The following ARHGAP15 variants were observed in gnomAD, a reference collection of about 807,000 sequenced individuals.
The protein encoded by ARHGAP15 is Rho GTPase activating protein 15.
In ARHGAP15, 51 loss-of-function variants were observed where a neutral mutation model predicts 63.7. The observed-to-expected ratio is 0.80, with a 90% CI of 0.64 to 1.01. ARHGAP15 has a LOEUF of 1.01. Ranked by LOEUF, ARHGAP15 falls within the 50% of genes least tolerant of loss-of-function variation. The probability of loss-of-function intolerance (pLI) is 0.00; values close to 1 mark genes in which losing one functional copy is unlikely to be tolerated. For missense variants in ARHGAP15, 560 were observed against 564.6 expected, an observed-to-expected ratio of 0.99 and a Z score of 0.08; for synonymous variants, 191 against 193.8, an observed-to-expected ratio of 0.99 and a Z score of 0.12.
chr2:143,662,986 A>G (rs1340858015), intron 12 of ARHGAP15, among the ~76,000 whole-genome samples: 6 of 140,428 alleles, frequency 4.3e-5, no homozygotes, highest in African/African-American at 1.6e-4. Flanking sequence ...GTTGGAAAAC[A>G]CTCTGCAGGA....
rs1208948778 is a variant in ARHGAP15 at position 143,173,618 on chromosome 2, T to TA, written c.165+17971dup. The stretch of plus-strand genomic sequence containing the variant: ...GATAATAAAGATAATCCACAAAACT[T>TA]AAAAAAAACCTCTAATTTTATCTGG... On this transcript the variant is annotated intron_variant, in intron 2 of 13. Coordinates refer to ENST00000295095, the MANE Select transcript of ARHGAP15 (RefSeq NM_018460.4). 1.0e-3 allele frequency among the ~76,000 whole-genome samples: 153 copies of TA among 151,796 alleles called. 2 individuals are homozygous for TA. The Middle Eastern group carries it at 0.024, about 24-fold the overall frequency.
intron 6 of ARHGAP15, among the ~76,000 whole-genome samples, chr2:143,293,109 CTTTTGT>C (rs1363028697): frequency 2.0e-5 from 3 of 152,002 alleles, no homozygotes; most frequent in Non-Finnish European, 4.4e-5. Flanking sequence ...TGTCTAAAGT[CTTTTGT>C]TACAGTCCCT....
At chr2:143,449,363 C>T (rs762015805) in intron 8 of ARHGAP15, among the ~76,000 whole-genome samples, 1 of 152,108 alleles carries the variant, frequency 6.6e-6, no homozygotes, top group South Asian at 2.1e-4. Flanking sequence ...TATCCCTTAT[C>T]TTCCATTTGA....
chr2:143,627,155 G>A (rs565787593), intron 12 of ARHGAP15, among the ~76,000 whole-genome samples: 2 of 152,288 alleles, frequency 1.3e-5, no homozygotes, highest in East Asian at 3.9e-4. Flanking sequence ...AATTTCTGTT[G>A]TTTATGAATT....
Position 143,203,481 on chromosome 2 carries a change from C to A in ARHGAP15, c.234+1279C>A, listed in dbSNP as rs146809069. ...TCAGTAGGTCTATCTGAGCATTTAA[C>A]CCAATTGATAGCTCTCTTCTTGAAT... On this transcript the variant is annotated intron_variant, in intron 3 of 13. Transcript: ENST00000295095. Among the ~76,000 whole-genome samples the A allele has an allele frequency of 7.2e-4, 109 of 152,192 alleles. 1 individual carries two copies. The East Asian group carries it at 0.019, about 26-fold the overall frequency.
chr2:143,320,134 A>G (rs908131445), intron 6 of ARHGAP15, among the ~76,000 whole-genome samples: 21 of 152,198 alleles, frequency 1.4e-4, no homozygotes, highest in Admixed American at 2.6e-4. Flanking sequence ...GATGGACTCA[A>G]TGAAAGATAA....
At chr2:143,317,633 G>T (rs533945228) in intron 6 of ARHGAP15, among the ~76,000 whole-genome samples, 2 of 152,312 alleles carry the variant, frequency 1.3e-5, no homozygotes, top group African/African-American at 4.8e-5. Context: ...GACATCTAGT[G>T]ACTAGCTTTT....
Position 143,400,304 on chromosome 2 carries a change from AC to A in ARHGAP15, c.475-35296del, listed in dbSNP as rs1030656952. The stretch of plus-strand genomic sequence containing the variant: ...CAATTTGTTGAAAGTGAATGATTGA[AC>A]TTTTAGGTGGTGGCTCTACAGGAGG... On this transcript the variant is annotated intron_variant, in intron 6 of 13. Coordinates refer to ENST00000295095, the MANE Select transcript of ARHGAP15 (RefSeq NM_018460.4). Among the ~76,000 whole-genome samples the A allele has an allele frequency of 5.6e-4, 85 of 152,162 alleles. 1 individual carries two copies. Among genetic ancestry groups the A allele is most frequent in the African/African-American group, 2.0e-3 (82 of 41,554 alleles).
chr2:143,375,876 GT>G lies in ARHGAP15; in HGVS notation c.475-59724del, dbSNP rs1686787868. On this transcript the variant is annotated intron_variant, in intron 6 of 13. Coordinates refer to ENST00000295095, the MANE Select transcript of ARHGAP15 (RefSeq NM_018460.4). ...CATTAAATAGATTTTACTTTTTTCG[GT>G]GATGGTTGTTTGAAAATAGGAGTGT... Among the ~76,000 whole-genome samples, 4 of 152,274 alleles carry G rather than the reference GT, an allele frequency of 2.6e-5. No individual in the cohort carries two copies. In the South Asian group the frequency reaches 8.3e-4, roughly 32 times the overall value.
intron 12 of ARHGAP15, among the ~76,000 whole-genome samples, chr2:143,631,848 G>C (rs1247062692): frequency 6.8e-6 from 1 of 146,446 alleles, no homozygotes; most frequent in Non-Finnish European, 1.5e-5. Context: ...GGATCTTGCT[G>C]TGCCTTCACG....
At chr2:143,616,291 T>TC (rs1451741709) in intron 11 of ARHGAP15, among the ~76,000 whole-genome samples, 2 of 152,206 alleles carry the variant, frequency 1.3e-5, no homozygotes. Context: ...TTCGCAAGTT[T>TC]CAGTTGCACC....
At chr2:143,486,863 G>A (rs1009684314) in intron 8 of ARHGAP15, among the ~76,000 whole-genome samples, 4 of 152,146 alleles carry the variant, frequency 2.6e-5, no homozygotes, top group African/African-American at 4.8e-5. Flanking sequence ...ACATCAATAA[G>A]GAGAGTAAGA....
intron 6 of ARHGAP15, among the ~76,000 whole-genome samples, chr2:143,266,975 T>C (rs1363273506): frequency 1.3e-5 from 2 of 152,176 alleles, no homozygotes; most frequent in Non-Finnish European, 1.5e-5. Flanking sequence ...GAATAGTCTC[T>C]TTCTGGAAGG....
At chr2:143,175,106 A>G (rs1183366625) in intron 2 of ARHGAP15, among the ~76,000 whole-genome samples, 2 of 152,132 alleles carry the variant, frequency 1.3e-5, no homozygotes, top group Non-Finnish European at 2.9e-5. Context: ...GCATACATAG[A>G]AAGAAAACCA....
intron 11 of ARHGAP15, among the ~76,000 whole-genome samples, chr2:143,564,829 T>C (rs567864790): frequency 7.2e-5 from 11 of 152,308 alleles, no homozygotes; most frequent in African/African-American, 2.4e-4. Flanking sequence ...ATAACAATCC[T>C]TTTCCAATGT....
intron 8 of ARHGAP15, among the ~76,000 whole-genome samples, chr2:143,450,430 T>C (rs1332278252): frequency 1.3e-5 from 2 of 151,902 alleles, no homozygotes; most frequent in African/African-American, 4.8e-5. Flanking sequence ...TACAAGAAGC[T>C]CTTAACTATT....
intron 13 of ARHGAP15, among the ~76,000 whole-genome samples, chr2:143,728,803 A>C (rs1191425212): frequency 6.6e-6 from 1 of 152,182 alleles, no homozygotes; most frequent in African/African-American, 2.4e-5. Flanking sequence ...GCCGCCCTCC[A>C]TTAGGAGCAG....
chr2:143,303,673 A>C (rs190295569), intron 6 of ARHGAP15, among the ~76,000 whole-genome samples: 24 of 152,154 alleles, frequency 1.6e-4, no homozygotes, highest in African/African-American at 4.1e-4. Context: ...AGTGAACAGG[A>C]AACCTACAGA....
chr2:143,713,321 T>C (rs1684667234), intron 13 of ARHGAP15, among the ~76,000 whole-genome samples: 1 of 152,170 alleles, frequency 6.6e-6, no homozygotes, highest in Non-Finnish European at 1.5e-5. Flanking sequence ...GTGAGACTTA[T>C]TCACTATCAC....
Sources: gnomAD v4.1 joint callset for allele counts (sites outside exome capture counted in the v4.1 genomes callset) on GRCh38, gnomAD v4.1.1 for gene constraint, MANE v1.5 for transcripts, NCBI Gene and HGNC (gene_info 2026-07-23, HGNC 2026-07-21) for gene names.